INTS11: variants seen among roughly 807,000 people sequenced by gnomAD.
The protein encoded by INTS11 is CPSF3-like protein.
INTS11 carries 77 observed loss-of-function variants against 78.6 expected under a neutral mutation model. The ratio of observed to expected loss-of-function variants is 0.98; its 90% CI spans 0.81 to 1.18. INTS11 has a LOEUF of 1.18. Among genes scored for constraint, INTS11 ranks in the 50% most tolerant of loss-of-function variants. The pLI is 0.00. For missense variants in INTS11, 875 were observed against 825.9 expected (o/e 1.06, Z -0.73); for synonymous variants, 441 against 326.9 (o/e 1.35, Z -3.77).
At position 1,314,887 on chromosome 1, in the gene INTS11, G is replaced by A; in HGVS notation, c.639C>T (p.Ser213=). ...ESTYATTIRD[S]KRCRERDFLK... is the part of the protein sequence containing the mutation. ...GGAAGTCTCGCTCCCGGCAGCGCTT[G>A]GAGTCACGGATGGTCGTGGCGTACG... The change falls in exon 7 of 17, where the codon TCC becomes TCT. Residue 213 remains serine (S), a synonymous_variant. Transcript: ENST00000435064. The surrounding 1 kb of genome is among the most constrained non-coding windows in gnomAD (Gnocchi z 4.2). 1.2e-6 allele frequency: 2 copies of A among 1,613,144 alleles called. No homozygotes were observed. Among genetic ancestry groups the A allele is most frequent in the Non-Finnish European group, 1.7e-6 (2 of 1,179,938 alleles).
chr1:1,313,362 C>G (rs1642362114), intron 10 of INTS11, 147 bp downstream of exon 10: 5 of 961,004 alleles, frequency 5.2e-6, no homozygotes, highest in Non-Finnish European at 8.0e-6. Context: ...CAGCTCCAGG[C>G]GGACATCGCC....
Position 1,313,922 on chromosome 1 carries a change from CT to C in INTS11, c.768-2del. ...GGGCACCTTCAGGTTCATGCGCTCC[CT>C]GGGGACCACCGGCCCAGTCAGCACA... is the stretch of plus-strand genomic sequence containing the variant. On this transcript the variant is annotated splice_acceptor_variant, in intron 8 of 16. Transcript: ENST00000435064. LOFTEE classifies it high-confidence loss of function. 8.7e-6 allele frequency: 14 copies of C among 1,611,136 alleles called. No individual in the cohort carries two copies. Among genetic ancestry groups the C allele is most frequent in the Non-Finnish European group, 1.2e-5 (14 of 1,178,584 alleles).
intron 1 of INTS11, chr1:1,321,927 G>A (rs772397401): frequency 5.2e-6 from 5 of 956,146 alleles, no homozygotes; most frequent in Non-Finnish European, 6.5e-6. Flanking sequence ...CCAGCCACTC[G>A]AAGTGTCCAA....
intron 1 of INTS11, chr1:1,323,323 C>G (rs1324991266): frequency 6.5e-7 from 1 of 1,530,650 alleles, no homozygotes; most frequent in Non-Finnish European, 8.8e-7. Flanking sequence ...GATGACTGGC[C>G]ACCAACACCA....
chr1:1,314,312 CAGG>C lies in INTS11; in HGVS notation c.753_755del (p.Leu252del), dbSNP rs756734861. The C allele has an allele frequency of 6.2e-7, 1 of 1,602,500 alleles. No homozygotes were observed. The highest frequency in any genetic ancestry group is 8.5e-7 in the Non-Finnish European group (1 of 1,175,756). On this transcript the variant is annotated inframe_deletion, in exon 8 of 17. Coordinates refer to ENST00000435064, the MANE Select transcript of INTS11 (RefSeq NM_017871.6). The surrounding 1 kb of genome is among the most constrained non-coding windows in gnomAD (Gnocchi z 4.2). ...CTGGCGGCACCTACCAGAAGGTCTC[CAGG>C]AGGATGCAGAGCTCCTGGGCGCGGC...
chr1:1,313,697 G>A (rs763298002), intron 9 of INTS11, 35 bp downstream of exon 9: 8 of 1,610,252 alleles, frequency 5.0e-6, no homozygotes, highest in South Asian at 1.1e-5. Flanking sequence ...ACCGACGGGT[G>A]TGGATGTGCT....
Position 1,311,798 on chromosome 1 carries a change from C to G in INTS11, c.*61G>C. 1 of 1,494,138 alleles carries G rather than the reference C, an allele frequency of 6.7e-7. No homozygotes were observed. The highest frequency in any genetic ancestry group is 1.3e-5 in the South Asian group (1 of 76,386). The allele number at this position is 1,494,138 out of a possible 1,614,324, so 92.6% of individuals were successfully genotyped here. A position where few individuals can be genotyped will look rare whatever the true frequency, so the allele number is the denominator to read the frequency against. ...CCAGGGCACCCACAGTCCTGAAGTGCAGGCCCAGGGTCTGTCCAGCTGGGA... is the reference window on the plus strand; with the variant it reads ...CCAGGGCACCCACAGTCCTGAAGTGGAGGCCCAGGGTCTGTCCAGCTGGGA... On this transcript the variant is annotated 3_prime_UTR_variant, in exon 17 of 17. Coordinates refer to ENST00000435064, the MANE Select transcript of INTS11 (RefSeq NM_017871.6).
chr1:1,320,905 C>T (rs1356943423), intron 2 of INTS11, 91 bp downstream of exon 2: 4 of 1,161,728 alleles, frequency 3.4e-6, no homozygotes, highest in Non-Finnish European at 3.9e-6. Flanking sequence ...CACTGCTGCC[C>T]ACCACCCCAC....
In INTS11 at chr1:1,314,397, A is replaced by C. The variant is rs1350426066; in HGVS notation, c.703-32T>G. 4.4e-6 allele frequency: 7 copies of C among 1,584,674 alleles called. No homozygotes were observed. The highest frequency in any genetic ancestry group is 6.0e-6 in the Non-Finnish European group (7 of 1,163,064). On this transcript the variant is annotated intron_variant, in intron 7 of 16. Transcript: ENST00000435064. This position sits in a 1 kb window ranked among gnomAD's most constrained non-coding sequence, Gnocchi z 4.2. ...GGGACACAAGGCAGGAGCCCTGGGC[A>C]CATGGCCCCTCGACACAGCAGGCAG...
rs968145017 is a variant in INTS11 at position 1,311,722 on chromosome 1, G to A, written c.*137C>T. 3.6e-5 allele frequency: 32 copies of A among 890,338 alleles called. No individual in the cohort carries two copies. Among genetic ancestry groups the A allele is most frequent in the South Asian group, 2.2e-4 (14 of 63,224 alleles). The allele number at this position is 890,338 out of a possible 1,614,324, so 55.2% of individuals were successfully genotyped here. A position where few individuals can be genotyped will look rare whatever the true frequency, so the allele number is the denominator to read the frequency against. On this transcript the variant is annotated 3_prime_UTR_variant, in exon 17 of 17. Transcript: ENST00000435064. ...CTGCAAACAGCTGCCTGGGCAGGCA[G>A]GTGACACAAGGCCTCTGTCCCCAGG...
Position 1,320,549 on chromosome 1 carries a change from T to G in INTS11, c.127-20A>C, listed in dbSNP as rs770075277. 27 of 1,613,090 alleles carry G rather than the reference T, an allele frequency of 1.7e-5. No homozygotes were observed. In the Admixed American group the frequency reaches 2.2e-4, roughly 13 times the overall value. Reference sequence around the variant, plus strand: ...GCGTCGCTAGGAAGGATGTGGGGGTTTCAGGTTGCACAGTGGTCTCCAGGC... The same window carrying G: ...GCGTCGCTAGGAAGGATGTGGGGGTGTCAGGTTGCACAGTGGTCTCCAGGC... On this transcript the variant is annotated intron_variant, in intron 2 of 16. Coordinates refer to ENST00000435064, the MANE Select transcript of INTS11 (RefSeq NM_017871.6).
At chr1:1,312,730 C>T in intron 12 of INTS11, 30 bp from the exon 13 acceptor site, 1 of 1,590,666 alleles carries the variant, frequency 6.3e-7, no homozygotes, top group Non-Finnish European at 8.6e-7. Flanking sequence ...AGAGCCTCAG[C>T]CCAGGCTGCC....
At chr1:1,319,171 A>T in intron 4 of INTS11, 125 bp downstream of exon 4, 1 of 898,104 alleles carries the variant, frequency 1.1e-6, no homozygotes, top group Non-Finnish European at 1.9e-6. Context: ...GCTGGACGCA[A>T]GAGTGAGGTG....
Position 1,313,914 on chromosome 1 carries a change from T to C in INTS11, c.775A>G (p.Met259Val), listed in dbSNP as rs953760851. The C allele has an allele frequency of 5.0e-6, 8 of 1,612,112 alleles. No homozygotes were observed. Among genetic ancestry groups the C allele is most frequent in the African/African-American group, 1.3e-5 (1 of 75,028 alleles). The change falls in exon 9 of 17, where the codon ATG (methionine) becomes GTG (valine). Residue 259 changes from methionine (M) to valine (V), a missense_variant. By Grantham distance (21) the Met-to-Val change is conservative. Coordinates refer to ENST00000435064, the MANE Select transcript of INTS11 (RefSeq NM_017871.6). ...AAGTAGATGGGCACCTTCAGGTTCA[T>C]GCGCTCCCTGGGGACCACCGGCCCA... ...CILLETFWER[M>V]NLKVPIYFST...
At chr1:1,320,928 G>T in intron 2 of INTS11, 68 bp downstream of exon 2, 2 of 1,389,338 alleles carry the variant, frequency 1.4e-6, no homozygotes, top group Non-Finnish European at 1.0e-6. Flanking sequence ...TCCCGGCTCT[G>T]AGGCCCAGGG....
intron 1 of INTS11, chr1:1,323,345 C>T (rs1643075558): frequency 1.3e-6 from 2 of 1,512,166 alleles, no homozygotes; most frequent in East Asian, 2.5e-5. Context: ...GTCCCTCCAG[C>T]TGTTTCTGAG....
rs148516711 is a variant in INTS11 at position 1,312,111 on chromosome 1, G to A, written c.1644C>T (p.Asp548=). The stretch of plus-strand genomic sequence containing the variant: ...GGACGGACTCCACAGTCACAGAGCC[G>A]TCTGGGAGGTGCTGCACACAGTGGT... ...LKDHCVQHLP[D]GSVTVESVLL... is the part of the protein sequence containing the mutation. The change falls in exon 16 of 17, where the codon GAC becomes GAT. Residue 548 remains aspartate (D), a synonymous_variant. Transcript: ENST00000435064. The A allele has an allele frequency of 2.3e-5, 36 of 1,578,750 alleles. No individual in the cohort carries two copies. The highest frequency in any genetic ancestry group is 1.7e-4 in the African/African-American group (13 of 74,554).
chr1:1,315,986 T>C (rs1381337598), intron 4 of INTS11, among the ~76,000 whole-genome samples: 1 of 152,148 alleles, frequency 6.6e-6, no homozygotes, highest in Non-Finnish European at 1.5e-5. Flanking sequence ...AAATTGGAGT[T>C]TCCAGCGTGG....
Position 1,312,213 on chromosome 1 carries a change from G to GGGGGGGCCCCCCCCCCCCCCC in INTS11, c.1607+12_1607+13insGGGGGGGGGGGGGGGCCCCCC. On this transcript the variant is annotated intron_variant, in intron 15 of 16. Transcript: ENST00000435064. ...CCCAAGGGAGTGGGGGGGGGGCGGG[G>GGGGGGGCCCCCCCCCCCCCCC]CCGGGCGCCCACCTCTTGAGGTGGC... 18 of 934,046 alleles carry GGGGGGGCCCCCCCCCCCCCCC rather than the reference G, an allele frequency of 1.9e-5. No individual in the cohort carries two copies. The highest frequency in any genetic ancestry group is 2.0e-5 in the Non-Finnish European group (13 of 636,140). 57.9% of individuals were successfully genotyped at this position (934,046 alleles called of 1,614,324 possible). A position where few individuals can be genotyped will look rare whatever the true frequency, so the allele number is the denominator to read the frequency against.
Sources: allele counts gnomAD v4.1 joint callset (sites outside exome capture counted in the v4.1 genomes callset), GRCh38; gene constraint gnomAD v4.1.1; non-coding constraint Gnocchi (gnomAD v3.1); transcripts MANE v1.5; gene names NCBI Gene and HGNC (gene_info 2026-07-23, HGNC 2026-07-21).